FLVCR1: variants seen among roughly 807,000 people sequenced by gnomAD.
FLVCR1 encodes FLVCR choline and heme transporter 1, also known as choline/ethanolamine transporter FLVCR1.
Under a neutral mutation model 53.6 loss-of-function variants are expected in FLVCR1, and 34 were observed. The ratio of observed to expected loss-of-function variants is 0.63; its 90% CI spans 0.48 to 0.84. The LOEUF (loss-of-function observed/expected upper bound fraction) is 0.84, where lower values mean the gene tolerates loss of function less well. FLVCR1 is among the 40% of genes least tolerant of loss of function. The pLI is 0.00. For missense variants in FLVCR1, 677 were observed against 696.7 expected (o/e 0.97, Z 0.32); for synonymous variants, 300 against 286.3 (o/e 1.05, Z -0.48).
intron 3 of FLVCR1, 51 bp downstream of exon 3, chr1:212,872,869 T>C: frequency 6.2e-7 from 1 of 1,604,348 alleles, no homozygotes; most frequent in East Asian, 2.2e-5. Context: ...CCTTTCAGCA[T>C]TGTGGATTCT....
At chr1:212,883,108 T>A (rs999231233) in intron 3 of FLVCR1, among the ~76,000 whole-genome samples, 8 of 152,188 alleles carry the variant, frequency 5.3e-5, no homozygotes, top group African/African-American at 1.9e-4. Context: ...TCAGTATATC[T>A]CAATCTAAAT....
intron 5 of FLVCR1, among the ~76,000 whole-genome samples, chr1:212,887,541 GA>G (rs897210079): frequency 6.6e-6 from 1 of 152,212 alleles, no homozygotes; most frequent in African/African-American, 2.4e-5. Context: ...TTGGAAGAAA[GA>G]GAGACTCTTA....
rs1057131599 is a variant in FLVCR1 at position 212,858,351 on chromosome 1, G to C, written c.-102G>C. ...CACCGGGGAAGGAGCGGTGGGCCGA[G>C]GGGTTGGAGGTGGGGCCCCAGGAGG... is the stretch of plus-strand genomic sequence containing the variant. On this transcript the variant is annotated 5_prime_UTR_variant, in exon 1 of 10. Coordinates refer to ENST00000366971, the MANE Select transcript of FLVCR1 (RefSeq NM_014053.4). The C allele has an allele frequency of 1.8e-6, 2 of 1,124,856 alleles. No individual in the cohort carries two copies. Among genetic ancestry groups the C allele is most frequent in the Admixed American group, 6.3e-5 (2 of 31,952 alleles). The allele number at this position is 1,124,856 out of a possible 1,614,324, so 69.7% of individuals were successfully genotyped here.
At chr1:212,873,342 A>T (rs891939962) in intron 3 of FLVCR1, among the ~76,000 whole-genome samples, 1 of 151,946 alleles carries the variant, frequency 6.6e-6, no homozygotes, top group African/African-American at 2.4e-5. Context: ...AAAGAAAAGT[A>T]GTTCTCAAAT....
rs41296700 is a variant in FLVCR1 at position 212,859,494 on chromosome 1, G to A, written c.738+304G>A. 3.6e-3 allele frequency among the ~76,000 whole-genome samples: 553 copies of A among 152,256 alleles called. 9 individuals are homozygous for A. Among genetic ancestry groups the A allele is most frequent in the African/African-American group, 0.013 (531 of 41,532 alleles). On this transcript the variant is annotated intron_variant, in intron 1 of 9. Coordinates refer to ENST00000366971, the MANE Select transcript of FLVCR1 (RefSeq NM_014053.4). Reference sequence around the variant, plus strand: ...GCACTTTGGGAGGCCGAGGTGGGTGGATCACTTCAAGTCAGGAGTTCCAGA... The same window carrying A: ...GCACTTTGGGAGGCCGAGGTGGGTGAATCACTTCAAGTCAGGAGTTCCAGA...
intron 3 of FLVCR1, among the ~76,000 whole-genome samples, chr1:212,874,357 T>C (rs1032629092): frequency 6.6e-6 from 1 of 152,152 alleles, no homozygotes; most frequent in Admixed American, 6.6e-5. Context: ...CTCATCCTTA[T>C]ATATTAATAC....
chr1:212,868,688 C>T (rs1428573561), intron 2 of FLVCR1, among the ~76,000 whole-genome samples: 1 of 152,106 alleles, frequency 6.6e-6, no homozygotes, highest in African/African-American at 2.4e-5. Flanking sequence ...GGATTATAGG[C>T]GTGAACCACC....
At position 212,872,751 on chromosome 1, in the gene FLVCR1, C is replaced by T; in HGVS notation, c.957C>T (p.Tyr319=). The T allele has an allele frequency of 3.7e-6, 6 of 1,613,612 alleles. No individual in the cohort carries two copies. The highest frequency in any genetic ancestry group is 1.1e-5 in the South Asian group (1 of 91,074). The part of the protein sequence containing the change: ...AALQDSPPEE[Y]SYKKSIRNLF... ...TTCAAGACAGTCCCCCTGAAGAGTACTCCTATAAGAAATCAATAAGAAACC... is the reference window on the plus strand; with the variant it reads ...TTCAAGACAGTCCCCCTGAAGAGTATTCCTATAAGAAATCAATAAGAAACC... The change falls in exon 3 of 10, where the codon TAC becomes TAT. Residue 319 remains tyrosine, a synonymous_variant. Coordinates refer to ENST00000366971, the MANE Select transcript of FLVCR1 (RefSeq NM_014053.4).
chr1:212,888,217 GC>G (rs1310206810), intron 6 of FLVCR1, among the ~76,000 whole-genome samples: 2 of 152,124 alleles, frequency 1.3e-5, no homozygotes, highest in Non-Finnish European at 2.9e-5. Context: ...AAATGGATGA[GC>G]CTTACTTAAT....
intron 2 of FLVCR1, among the ~76,000 whole-genome samples, chr1:212,872,017 T>C (rs951279878): frequency 1.3e-5 from 2 of 152,230 alleles, no homozygotes; most frequent in African/African-American, 2.4e-5. Flanking sequence ...TGATAAACTT[T>C]ATATCACATT....
At chr1:212,865,962 G>GCCACTGC (rs1558109276) in intron 2 of FLVCR1, among the ~76,000 whole-genome samples, 7 of 75,892 alleles carry the variant, frequency 9.2e-5, no homozygotes, top group South Asian at 5.7e-4. Flanking sequence ...ACAGGCATTT[G>GCCACTGC]GCTAATTTTT....
chr1:212,895,626 G>A lies in FLVCR1; in HGVS notation c.*336G>A, dbSNP rs1051050833. 10 of 352,696 alleles carry A rather than the reference G, an allele frequency of 2.8e-5. No homozygotes were observed. The highest frequency in any genetic ancestry group is 2.1e-4 in the African/African-American group (10 of 47,308). 21.8% of individuals were successfully genotyped at this position (352,696 alleles called of 1,614,324 possible). ...CTTTTTTGTAGAAAATGGAAGCTTA[G>A]AATACTTTTTAAAGTGATAATATGG... On this transcript the variant is annotated 3_prime_UTR_variant, in exon 10 of 10. Transcript: ENST00000366971.
intron 3 of FLVCR1, among the ~76,000 whole-genome samples, chr1:212,874,884 A>G (rs574977067): frequency 6.6e-6 from 1 of 150,842 alleles, no homozygotes; most frequent in Non-Finnish European, 1.5e-5. Context: ...ATTCTCTTTC[A>G]GCCACACTTA....
intron 1 of FLVCR1, among the ~76,000 whole-genome samples, chr1:212,862,690 A>G: frequency 6.6e-6 from 1 of 152,168 alleles, no homozygotes; most frequent in African/African-American, 2.4e-5. Flanking sequence ...AGTTTTGGGG[A>G]CATATACCTA....
intron 1 of FLVCR1, among the ~76,000 whole-genome samples, chr1:212,862,511 C>T (rs73075782): frequency 6.6e-6 from 1 of 152,144 alleles, no homozygotes; most frequent in Non-Finnish European, 1.5e-5. Context: ...GTACTTCATT[C>T]CTTTTTAATA....
intron 8 of FLVCR1, among the ~76,000 whole-genome samples, 177 bp from the exon 9 acceptor site, chr1:212,894,809 T>A (rs902910801): frequency 6.6e-6 from 1 of 152,214 alleles, no homozygotes; most frequent in Non-Finnish European, 1.5e-5. Flanking sequence ...AATGAATGAC[T>A]TATTAATTGT....
chr1:212,878,026 A>G (rs1392323038), intron 3 of FLVCR1, among the ~76,000 whole-genome samples: 3 of 152,144 alleles, frequency 2.0e-5, no homozygotes, highest in African/African-American at 7.2e-5. Context: ...AAATCTGGAC[A>G]TTGCCTGTTT....
chr1:212,880,884 G>A (rs984333425), intron 3 of FLVCR1, among the ~76,000 whole-genome samples: 1 of 151,666 alleles, frequency 6.6e-6, no homozygotes, highest in African/African-American at 2.4e-5. Flanking sequence ...TGCATGTCCA[G>A]TGTGAATTGA....
At chr1:212,883,462 T>C in intron 4 of FLVCR1, 24 bp downstream of exon 4, 5 of 1,438,648 alleles carry the variant, frequency 3.5e-6, no homozygotes, top group Non-Finnish European at 4.9e-6. Flanking sequence ...TATATCAGAT[T>C]GCATGCCTGG....
Sources: gnomAD v4.1 joint callset for allele counts (sites outside exome capture counted in the v4.1 genomes callset) on GRCh38, gnomAD v4.1.1 for gene constraint, MANE v1.5 for transcripts, NCBI Gene and HGNC (gene_info 2026-07-23, HGNC 2026-07-21) for gene names.